FGF12: variants seen among roughly 807,000 people sequenced by gnomAD.
FGF12 encodes fibroblast growth factor 12.
Under a neutral mutation model 23.6 loss-of-function variants are expected in FGF12, and 14 were observed. That is an observed-to-expected ratio of 0.59 (90% CI 0.39 to 0.93). The LOEUF (loss-of-function observed/expected upper bound fraction) is 0.93, where lower values mean the gene tolerates loss of function less well. FGF12 is among the 40% of genes least tolerant of loss of function. FGF12 has a pLI of 0.00. For missense variants in FGF12, 175 were observed against 217.8 expected, an observed-to-expected ratio of 0.80 and a Z score of 1.24; for synonymous variants, 62 against 77.3, an observed-to-expected ratio of 0.80 and a Z score of 1.04.
chr3:192,206,606 ATT>A (rs1266188167), intron 4 of FGF12, among the ~76,000 whole-genome samples: 2 of 152,194 alleles, frequency 1.3e-5, no homozygotes, highest in Non-Finnish European at 2.9e-5. Context: ...GTAAATGAAT[ATT>A]TCTAAACCAT....
At chr3:192,257,080 A>G (rs962057826) in intron 4 of FGF12, among the ~76,000 whole-genome samples, 3 of 152,178 alleles carry the variant, frequency 2.0e-5, no homozygotes, top group African/African-American at 7.2e-5. Flanking sequence ...TGTAAGAGCA[A>G]TCTGTGCAAA....
chr3:192,653,171 T>C (rs1333396024), intron 2 of FGF12, among the ~76,000 whole-genome samples: 1 of 152,240 alleles, frequency 6.6e-6, no homozygotes, highest in Non-Finnish European at 1.5e-5. Flanking sequence ...TATCCATTTC[T>C]CTGCAGTCTT....
intron 5 of FGF12, among the ~76,000 whole-genome samples, chr3:192,150,797 G>A (rs1378967856): frequency 6.3e-5 from 9 of 142,122 alleles, no homozygotes; most frequent in South Asian, 2.3e-4. Context: ...TTGGCAATGC[G>A]GGCTCTTTTT....
At chr3:192,258,839 G>C (rs1712571099) in intron 4 of FGF12, among the ~76,000 whole-genome samples, 1 of 152,138 alleles carries the variant, frequency 6.6e-6, no homozygotes, top group African/African-American at 2.4e-5. Context: ...ATAAATCTTT[G>C]AATATGATAT....
At chr3:192,633,066 G>C (rs1386212393) in intron 2 of FGF12, among the ~76,000 whole-genome samples, 1 of 152,012 alleles carries the variant, frequency 6.6e-6, no homozygotes, top group South Asian at 2.1e-4. Flanking sequence ...TGTTTGTTGA[G>C]GCAGAGTCTC....
chr3:192,558,335 C>G (rs573483874), intron 2 of FGF12, among the ~76,000 whole-genome samples: 13 of 151,516 alleles, frequency 8.6e-5, no homozygotes, highest in Non-Finnish European at 1.6e-4. Flanking sequence ...TTTACAATAG[C>G]ATCAAAAATA....
intron 2 of FGF12, among the ~76,000 whole-genome samples, chr3:192,576,135 C>G (rs1712871396): frequency 6.6e-6 from 1 of 152,116 alleles, no homozygotes; most frequent in African/African-American, 2.4e-5. Flanking sequence ...TCTTTTCCAG[C>G]ACATTTATGC....
At chr3:192,513,106 T>C (rs1256122606) in intron 2 of FGF12, among the ~76,000 whole-genome samples, 1 of 151,844 alleles carries the variant, frequency 6.6e-6, no homozygotes, top group Non-Finnish European at 1.5e-5. Context: ...TTACATACCC[T>C]ACACAGTTTT....
rs1713276686 is a variant in FGF12 at position 192,139,949 on chromosome 3, T to C, written c.*4060A>G. On this transcript the variant is annotated 3_prime_UTR_variant, in exon 6 of 6. Coordinates refer to ENST00000445105, the MANE Select transcript of FGF12 (RefSeq NM_004113.6). ...AGTATAGATTTCTAAGATAACTTTT[T>C]GTAACTAAAAAATAATTTCCTGTGC... 2 of 152,014 alleles carry C rather than the reference T, an allele frequency of 1.3e-5. No homozygotes were observed. The highest frequency in any genetic ancestry group is 4.8e-5 in the African/African-American group (2 of 41,424). 9.4% of individuals were successfully genotyped at this position (152,014 alleles called of 1,614,324 possible). A position where few individuals can be genotyped will look rare whatever the true frequency, so the allele number is the denominator to read the frequency against.
intron 4 of FGF12, among the ~76,000 whole-genome samples, chr3:192,227,823 A>G (rs1273839338): frequency 6.6e-6 from 1 of 152,188 alleles, no homozygotes; most frequent in East Asian, 1.9e-4. Flanking sequence ...AAGCAACTTC[A>G]GCAAAAAATA....
intron 2 of FGF12, among the ~76,000 whole-genome samples, chr3:192,598,003 C>T (rs938185805): frequency 6.6e-6 from 1 of 152,154 alleles, no homozygotes; most frequent in African/African-American, 2.4e-5. Context: ...TGTTAGAAAA[C>T]AGTCAACACT....
At chr3:192,389,279 G>A (rs1369080439) in intron 2 of FGF12, among the ~76,000 whole-genome samples, 8 of 152,138 alleles carry the variant, frequency 5.3e-5, no homozygotes, top group East Asian at 1.9e-4. Flanking sequence ...AGAATCACAC[G>A]AACCTAGGAG....
At chr3:192,642,868 T>C (rs1422045192) in intron 2 of FGF12, among the ~76,000 whole-genome samples, 2 of 152,254 alleles carry the variant, frequency 1.3e-5, no homozygotes, top group Non-Finnish European at 1.5e-5. Context: ...GGCAGGAACC[T>C]GATGAGGAGC....
intron 4 of FGF12, among the ~76,000 whole-genome samples, chr3:192,250,945 T>C (rs917184195): frequency 6.6e-6 from 1 of 152,150 alleles, no homozygotes; most frequent in African/African-American, 2.4e-5. Context: ...AGGTGAAGCA[T>C]ACTTAATTAC....
In FGF12 at chr3:192,274,136, AAATAG is replaced by A. The variant is rs753805482; in HGVS notation, c.228+61220_228+61224del. On this transcript the variant is annotated intron_variant, in intron 4 of 5. Transcript: ENST00000445105. ...GTACTGCTAAAGAAAAAATAAAAAG[AAATAG>A]AGTTAATAAAGATTATTTGCTATAT... Among the ~76,000 whole-genome samples the A allele has an allele frequency of 2.1e-3, 313 of 151,756 alleles. 2 individuals are homozygous for A. Among genetic ancestry groups the A allele is most frequent in the South Asian group, 3.7e-3 (18 of 4,822 alleles).
intron 2 of FGF12, among the ~76,000 whole-genome samples, chr3:192,576,192 C>T (rs1712875340): frequency 6.6e-6 from 1 of 152,028 alleles, no homozygotes; most frequent in Non-Finnish European, 1.5e-5. Context: ...ATGAATGTTG[C>T]CTTTGGGTTA....
chr3:192,292,305 T>G (rs1360300558), intron 4 of FGF12, among the ~76,000 whole-genome samples: 1 of 152,166 alleles, frequency 6.6e-6, no homozygotes, highest in Non-Finnish European at 1.5e-5. Context: ...AATTTTTTTT[T>G]TTTTAGTGTT....
At chr3:192,694,564 CACAT>C (rs1236416472) in intron 2 of FGF12, among the ~76,000 whole-genome samples, 1 of 151,728 alleles carries the variant, frequency 6.6e-6, no homozygotes, top group Non-Finnish European at 1.5e-5. Context: ...TACATATATA[CACAT>C]ACATATATAT....
chr3:192,316,082 T>C (rs548006385), intron 4 of FGF12, among the ~76,000 whole-genome samples: 2 of 152,286 alleles, frequency 1.3e-5, no homozygotes, highest in Non-Finnish European at 2.9e-5. Flanking sequence ...GTCCTCTGAA[T>C]GTTGGAATCA....
Sources: allele counts gnomAD v4.1 joint callset (sites outside exome capture counted in the v4.1 genomes callset), GRCh38; gene constraint gnomAD v4.1.1; transcripts MANE v1.5; gene names NCBI Gene and HGNC (gene_info 2026-07-23, HGNC 2026-07-21).